Variants in MUC7 observed in about 807,000 individuals in gnomAD.
MUC7 encodes the protein mucin 7, secreted, also known as mucin-7.
MUC7 carries 2 observed loss-of-function variants against 2.5 expected under a neutral mutation model. That is an observed-to-expected ratio of 0.81 (90% CI 0.33 to 2.55). The LOEUF (loss-of-function observed/expected upper bound fraction) is 2.55. Ranked by LOEUF, MUC7 falls within the 30% of genes most tolerant of loss-of-function variation. The probability of loss-of-function intolerance (pLI) is 0.11; values close to 1 mark genes in which losing one functional copy is unlikely to be tolerated. For synonymous variants in MUC7, 133 were observed against 173.4 expected (o/e 0.77, Z 1.83); for missense variants, 408 against 455.6 (o/e 0.90, Z 0.95).
chr4:70,474,542 CTAGATAGATAGGTAGATAGACTAGG>C (rs1285967087), intron 2 of MUC7, among the ~76,000 whole-genome samples: 2 of 148,406 alleles, frequency 1.3e-5, no homozygotes, highest in Non-Finnish European at 3.0e-5. Context: ...GGTAGATAGA[CTAGATAGATAGGTAGATAGACTAGG>C]TAGGTAGGTA....
intron 1 of MUC7, among the ~76,000 whole-genome samples, chr4:70,444,589 TG>T (rs1206842991): frequency 6.6e-5 from 10 of 152,228 alleles, no homozygotes; most frequent in African/African-American, 2.4e-4. Flanking sequence ...CTGCAATTGA[TG>T]ATGCATCTTT....
chr4:70,433,453 G>A (rs374736046), intron 1 of MUC7, among the ~76,000 whole-genome samples: 14 of 152,060 alleles, frequency 9.2e-5, no homozygotes, highest in South Asian at 8.3e-4. Context: ...CACATCCCTC[G>A]TAAATTGTAT....
intron 1 of MUC7, among the ~76,000 whole-genome samples, chr4:70,458,839 GA>G (rs1186136146): frequency 1.1e-4 from 16 of 151,856 alleles, no homozygotes; most frequent in Admixed American, 9.2e-4. Context: ...GTTATTAACA[GA>G]AAAAAAGAAA....
rs145219147 is a variant in MUC7 at position 70,466,074 on chromosome 4, T to C, written c.-92-6141T>C. ...GCAGAGGACCTCTCTGCAGAAACCC[T>C]GCAAGCCAGAATATAGTGGGGGCCA... On this transcript the variant is annotated intron_variant, in intron 1 of 3. Transcript: ENST00000413702. Among the ~76,000 whole-genome samples, 573 of 152,312 alleles carry C rather than the reference T, an allele frequency of 3.8e-3. 10 individuals are homozygous for C. In the East Asian group the frequency reaches 0.039, roughly 10 times the overall value.
intron 1 of MUC7, among the ~76,000 whole-genome samples, chr4:70,432,990 C>T (rs1364097106): frequency 6.6e-6 from 1 of 152,172 alleles, no homozygotes; most frequent in Admixed American, 6.5e-5. Context: ...ATAGGGAATC[C>T]TTTCCCCATT....
At chr4:70,439,387 T>C (rs142898780) in intron 1 of MUC7, among the ~76,000 whole-genome samples, 2 of 152,254 alleles carry the variant, frequency 1.3e-5, no homozygotes, top group East Asian at 1.9e-4. Flanking sequence ...GGGATCCCAC[T>C]GGGAAGTTTA....
In MUC7 at chr4:70,436,152, A is replaced by C. The variant is rs1396582956; in HGVS notation, c.-93+5465A>C. ...CCTTAACATTTTTGCCTTCATTTCA[A>C]CCTTGGTGAATCTGACAATCATGTG... On this transcript the variant is annotated intron_variant, in intron 1 of 3. Transcript: ENST00000413702. Among the ~76,000 whole-genome samples the C allele has an allele frequency of 2.0e-5, 3 of 151,958 alleles. No individual in the cohort carries two copies. In the East Asian group the frequency reaches 5.8e-4, roughly 29 times the overall value.
At chr4:70,462,041 G>A (rs1236329944) in intron 1 of MUC7, among the ~76,000 whole-genome samples, 5 of 152,120 alleles carry the variant, frequency 3.3e-5, no homozygotes, top group African/African-American at 7.2e-5. Context: ...AGGGGACCCC[G>A]TCTCTACAAC....
At chr4:70,453,437 C>T (rs554468869) in intron 1 of MUC7, among the ~76,000 whole-genome samples, 1 of 152,324 alleles carries the variant, frequency 6.6e-6, no homozygotes, top group Admixed American at 6.5e-5. Flanking sequence ...ATAGTATTGC[C>T]TGACTACTGC....
At chr4:70,449,840 G>A (rs1490205115) in intron 1 of MUC7, among the ~76,000 whole-genome samples, 3 of 152,182 alleles carry the variant, frequency 2.0e-5, no homozygotes, top group Non-Finnish European at 4.4e-5. Context: ...TAAAGCTGGG[G>A]ATGGAGTGAC....
chr4:70,447,503 T>C (rs535680490), intron 1 of MUC7, among the ~76,000 whole-genome samples: 2 of 152,326 alleles, frequency 1.3e-5, no homozygotes, highest in East Asian at 1.9e-4. Flanking sequence ...GTATTCTTAA[T>C]TCAGAGGAAA....
chr4:70,469,090 A>G (rs2109735151), upstream of MUC7, among the ~76,000 whole-genome samples: 1 of 152,342 alleles, frequency 6.6e-6, no homozygotes, highest in Admixed American at 6.5e-5. Context: ...CAGAGGCCTC[A>G]GAAATAACAC....
upstream of MUC7, among the ~76,000 whole-genome samples, chr4:70,469,708 A>T (rs554897125): frequency 1.2e-4 from 19 of 152,358 alleles, no homozygotes; most frequent in African/African-American, 4.6e-4. Context: ...CTACAATGAG[A>T]TACCATCTCA....
intron 1 of MUC7, among the ~76,000 whole-genome samples, chr4:70,457,365 G>A (rs951494090): frequency 3.3e-5 from 5 of 152,038 alleles, no homozygotes; most frequent in African/African-American, 1.2e-4. Context: ...AATCGCTTGA[G>A]GCCAGGAGGT....
intron 1 of MUC7, among the ~76,000 whole-genome samples, chr4:70,455,465 C>T (rs181266346): frequency 3.9e-5 from 6 of 152,276 alleles, no homozygotes; most frequent in Admixed American, 3.3e-4. Context: ...CCTAATCACT[C>T]TATCCTTTAA....
rs190279163 is a variant in MUC7 at position 70,448,492 on chromosome 4, C to T, written c.-93+17805C>T. 2.6e-4 allele frequency among the ~76,000 whole-genome samples: 40 copies of T among 152,200 alleles called. No homozygotes were observed. The East Asian group carries it at 7.0e-3, about 26-fold the overall frequency. ...AATAGAGTAAGGTAATATCTCATTG[C>T]AGTTTTGATTTGCATTTCTCTGAAG... On this transcript the variant is annotated intron_variant, in intron 1 of 3. Coordinates refer to the MUC7 transcript ENST00000413702.
intron 1 of MUC7, among the ~76,000 whole-genome samples, chr4:70,464,868 T>C (rs1437748282): frequency 5.3e-5 from 8 of 152,292 alleles, no homozygotes; most frequent in African/African-American, 1.9e-4. Context: ...AAGAGAGCAA[T>C]GAATCTCCCA....
intron 1 of MUC7, among the ~76,000 whole-genome samples, chr4:70,454,188 G>A (rs1451095602): frequency 2.6e-5 from 4 of 152,062 alleles, no homozygotes; most frequent in Non-Finnish European, 5.9e-5. Flanking sequence ...ATGTCCACTG[G>A]GTCTGAGCCC....
At chr4:70,458,554 A>G (rs530005784) in intron 1 of MUC7, among the ~76,000 whole-genome samples, 1 of 152,252 alleles carries the variant, frequency 6.6e-6, no homozygotes, top group South Asian at 2.1e-4. Flanking sequence ...ATAACAAAAT[A>G]ATACCAATAA....
Sources: allele counts gnomAD v4.1 joint callset (sites outside exome capture counted in the v4.1 genomes callset), GRCh38; gene constraint gnomAD v4.1.1; transcripts MANE v1.5; gene names NCBI Gene and HGNC (gene_info 2026-07-23, HGNC 2026-07-21).